Variants in NPAS3 observed in about 807,000 individuals in gnomAD.
The protein encoded by NPAS3 is neuronal PAS domain protein 3.
Under a neutral mutation model 73.1 loss-of-function variants are expected in NPAS3, and 14 were observed. The ratio of observed to expected loss-of-function variants is 0.19; its 90% CI spans 0.13 to 0.30. The LOEUF is 0.30. Ranked by LOEUF, NPAS3 falls within the 10% of genes least tolerant of loss-of-function variation. The probability of loss-of-function intolerance (pLI) is 1.00; values close to 1 mark genes in which losing one functional copy is unlikely to be tolerated. For synonymous variants in NPAS3, 620 were observed against 541.5 expected, an observed-to-expected ratio of 1.14 and a Z score of -2.01; for missense variants, 1,096 against 1,250.0, an observed-to-expected ratio of 0.88 and a Z score of 1.86.
At chr14:33,144,572 C>T (rs1399468311) in intron 2 of NPAS3, among the ~76,000 whole-genome samples, 1 of 152,076 alleles carries the variant, frequency 6.6e-6, no homozygotes, top group African/African-American at 2.4e-5. Context: ...GACAGAGTCT[C>T]CCTCTATCAT....
intron 3 of NPAS3, among the ~76,000 whole-genome samples, chr14:33,328,732 A>G (rs2043838669): frequency 6.6e-6 from 1 of 151,596 alleles, no homozygotes; most frequent in Non-Finnish European, 1.5e-5. Context: ...GTTTACCTTT[A>G]TTTTCTACCT....
chr14:33,540,493 G>A (rs2054462145), intron 4 of NPAS3, among the ~76,000 whole-genome samples: 1 of 152,156 alleles, frequency 6.6e-6, no homozygotes, highest in Non-Finnish European at 1.5e-5. Flanking sequence ...ATAACCCCAA[G>A]GAGCCTATTT....
At chr14:32,935,080 T>C, upstream of NPAS3, 1 of 871,596 alleles carries the variant, frequency 1.1e-6, no homozygotes, top group Non-Finnish European at 1.5e-6. Flanking sequence ...CCTCCTGTTT[T>C]GTGTCTTACA....
chr14:33,466,219 G>A (rs949988786), intron 4 of NPAS3, among the ~76,000 whole-genome samples: 1 of 152,130 alleles, frequency 6.6e-6, no homozygotes, highest in South Asian at 2.1e-4. Flanking sequence ...CCTGGTAAAG[G>A]CAGGGCTAGA....
chr14:33,641,274 T>C (rs1030478341), intron 5 of NPAS3, among the ~76,000 whole-genome samples: 1 of 152,250 alleles, frequency 6.6e-6, no homozygotes, highest in African/African-American at 2.4e-5. Context: ...AGAAGGCTCA[T>C]GATTTCTAAG....
chr14:33,537,351 C>T (rs1186374118), intron 4 of NPAS3, among the ~76,000 whole-genome samples: 2 of 152,086 alleles, frequency 1.3e-5, no homozygotes, highest in Non-Finnish European at 2.9e-5. Flanking sequence ...TGAAACAAAT[C>T]AGTGTTTCAC....
chr14:33,219,135 G>GAA (rs1255827360), intron 3 of NPAS3, among the ~76,000 whole-genome samples: 3 of 152,172 alleles, frequency 2.0e-5, no homozygotes. Context: ...AATAACTGAT[G>GAA]ATTGTAACCT....
intron 4 of NPAS3, among the ~76,000 whole-genome samples, chr14:33,415,474 G>C (rs188602827): frequency 4.0e-4 from 61 of 152,074 alleles, no homozygotes; most frequent in Non-Finnish European, 7.6e-4. Context: ...AGATTTTTCT[G>C]ATGTTGTTAA....
At chr14:33,087,991 A>T (rs1438172284) in intron 2 of NPAS3, among the ~76,000 whole-genome samples, 1 of 152,232 alleles carries the variant, frequency 6.6e-6, no homozygotes, top group African/African-American at 2.4e-5. Flanking sequence ...TCTAGATTGT[A>T]ACTACCAATG....
chr14:33,215,659 T>C, intron 3 of NPAS3: 1 of 684,844 alleles, frequency 1.5e-6, no homozygotes, highest in Non-Finnish European at 2.6e-6. Flanking sequence ...TCACTTTATA[T>C]AAGATTTCAG....
chr14:33,095,903 A>G lies in NPAS3; in HGVS notation c.140+39909A>G, dbSNP rs1349331604. 1.2e-4 allele frequency among the ~76,000 whole-genome samples: 18 copies of G among 151,220 alleles called. No individual in the cohort carries two copies. In the East Asian group the frequency reaches 3.5e-3, roughly 29 times the overall value. ...TTGCCAGGATGGTCTCGATCTCCTG[A>G]CCTCGTGATTCGCCCGATTCGCCCG... On this transcript the variant is annotated intron_variant, in intron 2 of 11. Transcript: ENST00000356141.
intron 7 of NPAS3, among the ~76,000 whole-genome samples, chr14:33,750,403 C>A (rs374147359): frequency 6.6e-6 from 1 of 152,048 alleles, no homozygotes; most frequent in East Asian, 1.9e-4. Flanking sequence ...GAAAGCTGAA[C>A]GAGGCATATG....
chr14:33,172,652 C>T (rs1182050952), intron 2 of NPAS3, among the ~76,000 whole-genome samples: 3 of 152,018 alleles, frequency 2.0e-5, no homozygotes, highest in Non-Finnish European at 2.9e-5. Context: ...AGAAGAATAG[C>T]TTGAACCTTG....
rs1002618829 is a variant in NPAS3, at chr14:33,588,308, C to G, written c.558+28098C>G. ...ATTGTCTCCAAGACCAAACTTCCCT[C>G]TGTAATCCTCCCAGATGCAGGGCAG... On this transcript the variant is annotated intron_variant, in intron 5 of 11. Transcript: ENST00000356141. 3.9e-5 allele frequency among the ~76,000 whole-genome samples: 6 copies of G among 152,278 alleles called. No homozygotes were observed. In the East Asian group the frequency reaches 1.2e-3, roughly 29 times the overall value.
chr14:33,512,426 T>G (rs2053098991), intron 4 of NPAS3, among the ~76,000 whole-genome samples: 1 of 152,048 alleles, frequency 6.6e-6, no homozygotes, highest in African/African-American at 2.4e-5. Flanking sequence ...AAGAAGAAGC[T>G]GACATTAGTC....
intron 2 of NPAS3, among the ~76,000 whole-genome samples, chr14:33,148,972 C>T (rs1312572413): frequency 6.6e-6 from 1 of 152,068 alleles, no homozygotes; most frequent in Non-Finnish European, 1.5e-5. Context: ...AGCTAGGATA[C>T]CCCGCGAGCC....
At chr14:33,154,273 T>C (rs1325221624) in intron 2 of NPAS3, among the ~76,000 whole-genome samples, 2 of 152,216 alleles carry the variant, frequency 1.3e-5, no homozygotes, top group Admixed American at 6.5e-5. Flanking sequence ...TTAAGATTAG[T>C]TGGCCCTTCA....
At chr14:33,289,072 CA>C (rs1245376553) in intron 3 of NPAS3, among the ~76,000 whole-genome samples, 1 of 152,150 alleles carries the variant, frequency 6.6e-6, no homozygotes, top group Admixed American at 6.5e-5. Context: ...TGATACCTAA[CA>C]TTTTTTTTAT....
chr14:33,464,543 C>T (rs1594956412), intron 4 of NPAS3, among the ~76,000 whole-genome samples: 2 of 152,120 alleles, frequency 1.3e-5, no homozygotes, highest in South Asian at 2.1e-4. Flanking sequence ...GAGATCGACC[C>T]CTCCTAATTT....
Sources: gnomAD v4.1 joint callset for allele counts (sites outside exome capture counted in the v4.1 genomes callset) on GRCh38, gnomAD v4.1.1 for gene constraint, MANE v1.5 for transcripts, NCBI Gene and HGNC (gene_info 2026-07-23, HGNC 2026-07-21) for gene names.